The following NEDD4L variants were observed in gnomAD, a reference collection of about 807,000 sequenced individuals.
NEDD4L encodes the protein E3 ubiquitin-protein ligase NEDD4-like.
In NEDD4L, 54 loss-of-function variants were observed where a neutral mutation model predicts 148.9. The observed-to-expected ratio is 0.36, with a 90% CI of 0.29 to 0.45. The LOEUF (loss-of-function observed/expected upper bound fraction) is 0.45. Ranked by LOEUF, NEDD4L falls within the 20% of genes least tolerant of loss-of-function variation. NEDD4L has a pLI of 1.00. For synonymous variants in NEDD4L, 433 were observed against 440.7 expected, an observed-to-expected ratio of 0.98 and a Z score of 0.22; for missense variants, 856 against 1,233.8, an observed-to-expected ratio of 0.69 and a Z score of 4.59.
intron 4 of NEDD4L, among the ~76,000 whole-genome samples, chr18:58,251,737 A>G (rs1333271646): frequency 6.6e-6 from 1 of 152,228 alleles, no homozygotes; most frequent in Non-Finnish European, 1.5e-5. Context: ...AAAGCTATTT[A>G]CAACTATCCT....
At chr18:58,159,385 A>C (rs772216075) in intron 1 of NEDD4L, among the ~76,000 whole-genome samples, 1 of 152,146 alleles carries the variant, frequency 6.6e-6, no homozygotes, top group Non-Finnish European at 1.5e-5. Flanking sequence ...GCCCTAAGGT[A>C]AACGATGGGC....
intron 16 of NEDD4L, among the ~76,000 whole-genome samples, chr18:58,349,214 A>G (rs1200594784): frequency 1.3e-5 from 2 of 151,178 alleles, no homozygotes; most frequent in Non-Finnish European, 2.9e-5. Context: ...ATTCACTGGC[A>G]CCCTCCATTC....
At chr18:58,385,435 G>A in intron 25 of NEDD4L, 91 bp from the exon 26 acceptor site, 1 of 1,009,960 alleles carries the variant, frequency 9.9e-7, no homozygotes, top group Non-Finnish European at 1.6e-6. Context: ...CTGCTGTCGT[G>A]GATGGAGGAG....
intron 5 of NEDD4L, among the ~76,000 whole-genome samples, chr18:58,280,468 A>G (rs550683771): frequency 3.3e-5 from 5 of 152,204 alleles, no homozygotes; most frequent in Non-Finnish European, 7.3e-5. Context: ...AAAGCCAAGG[A>G]GCAGACCGGG....
intron 2 of NEDD4L, among the ~76,000 whole-genome samples, chr18:58,174,784 T>C (rs927005395): frequency 6.6e-6 from 1 of 151,892 alleles, no homozygotes; most frequent in Admixed American, 6.6e-5. Context: ...AAAATTAACA[T>C]TTTTTTTCCC....
At position 58,044,281 on chromosome 18, in the gene NEDD4L, AGCGCAGAGGAG is replaced by A. The variant is rs2081473864; in HGVS notation, c.-377_-367del. On this transcript the variant is annotated 5_prime_UTR_variant, in exon 1 of 31. Coordinates refer to ENST00000400345, the MANE Select transcript of NEDD4L (RefSeq NM_001144967.3). ...GAGGCGGGCGAGCCGGGTCCCCGGG[AGCGCAGAGGAG>A]GCTCGGAGGGGGGCGGAGAGCGGCG... 6.7e-6 allele frequency: 1 copy of A among 148,414 alleles called. No individual in the cohort carries two copies. Among genetic ancestry groups the A allele is most frequent in the Admixed American group, 6.7e-5 (1 of 14,966 alleles). 9.2% of individuals were successfully genotyped at this position (148,414 alleles called of 1,614,324 possible). A position where few individuals can be genotyped will look rare whatever the true frequency, so the allele number is the denominator to read the frequency against.
At chr18:58,303,593 ACTCT>A (rs1180442064) in intron 5 of NEDD4L, among the ~76,000 whole-genome samples, 1 of 152,020 alleles carries the variant, frequency 6.6e-6, no homozygotes, top group Non-Finnish European at 1.5e-5. Context: ...ACTATGTCAC[ACTCT>A]CTGTTTTACC....
chr18:58,371,630 C>T (rs765327535), intron 23 of NEDD4L: 1 of 152,722 alleles, frequency 6.5e-6, no homozygotes, highest in South Asian at 2.1e-4. Context: ...TGAGCTGTGT[C>T]CTCGGCCCTG....
chr18:58,243,283 C>T (rs1174222342), intron 2 of NEDD4L, among the ~76,000 whole-genome samples: 1 of 152,214 alleles, frequency 6.6e-6, no homozygotes, highest in African/African-American at 2.4e-5. Flanking sequence ...GTTCTGCATG[C>T]ATCTCCACGG....
At chr18:58,177,458 A>G (rs951831600) in intron 2 of NEDD4L, among the ~76,000 whole-genome samples, 1 of 152,008 alleles carries the variant, frequency 6.6e-6, no homozygotes, top group African/African-American at 2.4e-5. Flanking sequence ...AGAGGTGTGC[A>G]TTAGGATGCT....
rs1568702419 is a variant in NEDD4L at position 58,325,163 on chromosome 18, G to A, written c.680+1G>A. 1.2e-6 allele frequency: 2 copies of A among 1,613,742 alleles called. No individual in the cohort carries two copies. Among genetic ancestry groups the A allele is most frequent in the Non-Finnish European group, 1.7e-6 (2 of 1,179,856 alleles). On this transcript the variant is annotated splice_donor_variant, in intron 9 of 30. Transcript: ENST00000400345. LOFTEE classifies it high-confidence loss of function. ...CTCAGTGGCACAGACCAAGCCTGAT[G>A]TGAGTACCGTGTGATGGTCAGGAAC...
chr18:58,226,686 C>G (rs1022275931), intron 2 of NEDD4L, among the ~76,000 whole-genome samples: 2 of 152,316 alleles, frequency 1.3e-5, no homozygotes. Context: ...CTGAGCAGTG[C>G]TAATAGCCTC....
chr18:58,082,951 A>G (rs747574944), intron 1 of NEDD4L, among the ~76,000 whole-genome samples: 5 of 152,256 alleles, frequency 3.3e-5, no homozygotes, highest in African/African-American at 4.8e-5. Context: ...TCATTCATCA[A>G]TCATTCTTTT....
chr18:58,060,604 A>G lies in NEDD4L; in HGVS notation c.48+15896A>G, dbSNP rs1403319391. On this transcript the variant is annotated intron_variant, in intron 1 of 30. Transcript: ENST00000400345. ...TCACTGATTGATTAGGTACAAAAAA[A>G]GGGAGGTGTCTAGAATAATCCCTAG... Among the ~76,000 whole-genome samples the G allele has an allele frequency of 2.0e-5, 3 of 152,182 alleles. No individual in the cohort carries two copies. The East Asian group carries it at 5.8e-4, about 29-fold the overall frequency.
chr18:58,227,394 C>G (rs889559480), intron 2 of NEDD4L, among the ~76,000 whole-genome samples: 2 of 152,112 alleles, frequency 1.3e-5, no homozygotes, highest in Admixed American at 6.5e-5. Context: ...ACCTCCTGAT[C>G]GTGATTTTGG....
At chr18:58,136,917 A>C (rs1327932270) in intron 1 of NEDD4L, among the ~76,000 whole-genome samples, 4 of 152,242 alleles carry the variant, frequency 2.6e-5, no homozygotes, top group Admixed American at 2.0e-4. Context: ...TGGTTTTCCT[A>C]ATTCCAGGAA....
chr18:58,077,098 G>T (rs887933301), intron 1 of NEDD4L, among the ~76,000 whole-genome samples: 1 of 142,818 alleles, frequency 7.0e-6, no homozygotes, highest in Non-Finnish European at 1.5e-5. Flanking sequence ...TAATCTGCCC[G>T]CCTCAGCCTC....
chr18:58,165,895 C>T, intron 2 of NEDD4L, 34 bp downstream of exon 2: 1 of 1,541,156 alleles, frequency 6.5e-7, no homozygotes, highest in Non-Finnish European at 8.9e-7. Context: ...CTGTGGACTT[C>T]TGAAAAATTG....
At chr18:58,157,209 T>G (rs896247517) in intron 1 of NEDD4L, among the ~76,000 whole-genome samples, 3 of 144,032 alleles carry the variant, frequency 2.1e-5, no homozygotes, top group African/African-American at 7.7e-5. Context: ...AAAAGAAAAA[T>G]AAGAAAAAGA....
Sources: gnomAD v4.1 joint callset for allele counts (sites outside exome capture counted in the v4.1 genomes callset) on GRCh38, gnomAD v4.1.1 for gene constraint, MANE v1.5 for transcripts, NCBI Gene and HGNC (gene_info 2026-07-23, HGNC 2026-07-21) for gene names.